Variants in ZDHHC16 observed in about 807,000 individuals in gnomAD.
The protein encoded by ZDHHC16 is palmitoyltransferase ZDHHC16.
ZDHHC16 carries 33 observed loss-of-function variants against 54.4 expected under a neutral mutation model. The ratio of observed to expected loss-of-function variants is 0.61; its 90% CI spans 0.46 to 0.81. ZDHHC16 has a LOEUF of 0.81. Ranked by LOEUF, ZDHHC16 falls within the 30% of genes least tolerant of loss-of-function variation. The pLI, the probability that ZDHHC16 is intolerant of heterozygous loss-of-function variation, is 0.00. For synonymous variants in ZDHHC16, 185 were observed against 182.1 expected (o/e 1.02, Z -0.13); for missense variants, 420 against 485.9 (o/e 0.86, Z 1.28).
chr10:97,448,749 C>G (rs72833970), intron 1 of ZDHHC16, among the ~76,000 whole-genome samples: 37,526 of 152,054 alleles, frequency 0.25, 4,892 homozygotes, highest in East Asian at 0.48. Context: ...CAGAGCGAGA[C>G]TTCATCTCAA....
intron 6 of ZDHHC16, among the ~76,000 whole-genome samples, 186 bp downstream of exon 6, chr10:97,453,109 C>T (rs955340826): frequency 6.6e-6 from 1 of 152,186 alleles, no homozygotes; most frequent in African/African-American, 2.4e-5. Context: ...AGCAGGGAAT[C>T]TTTTAACACC....
intron 11 of ZDHHC16, chr10:97,456,435 C>G (rs1231405745): frequency 6.6e-6 from 2 of 304,392 alleles, no homozygotes; most frequent in East Asian, 6.2e-5. Context: ...CTCTCTCAGC[C>G]CAAGACAAGG....
chr10:97,451,529 C>T, intron 2 of ZDHHC16, 142 bp from the exon 3 acceptor site: 1 of 1,161,990 alleles, frequency 8.6e-7, no homozygotes, highest in Non-Finnish European at 1.2e-6. Context: ...AAGTAACCTT[C>T]CTACTTCTCA....
intron 9 of ZDHHC16, among the ~76,000 whole-genome samples, chr10:97,455,365 C>T (rs941137429): frequency 1.2e-4 from 18 of 152,190 alleles, no homozygotes; most frequent in Admixed American, 1.0e-3. Context: ...TGCTATGTTG[C>T]CCAGGCTAGA....
chr10:97,452,897 G>A lies in ZDHHC16; in HGVS notation c.530G>A (p.Cys177Tyr), dbSNP rs1379651866. 2 of 1,614,218 alleles carry A rather than the reference G, an allele frequency of 1.2e-6. No homozygotes were observed. The highest frequency in any genetic ancestry group is 1.1e-5 in the South Asian group (1 of 91,080). The change falls in exon 6 of 12, where the codon TGT becomes TAT. Residue 177 changes from cysteine (C) to tyrosine (Y), a missense_variant and splice_region_variant. Physicochemically the swap from Cys to Tyr is radical, Grantham distance 194 (BLOSUM62 -2). Transcript: ENST00000393760. ...GAGCCTGTGTCCCTTCCTCACAGGT[G>A]TGTGCTGAAGATGGATCACCACTGC... Reference protein sequence around the residue: ...RTHHCSICNRCVLKMDHHCPW... With the variant: ...RTHHCSICNRYVLKMDHHCPW...
Position 97,446,203 on chromosome 10 carries a change from C to T in ZDHHC16, c.-336C>T, listed in dbSNP as rs1845997594. 6 of 668,072 alleles carry T rather than the reference C, an allele frequency of 9.0e-6. No individual in the cohort carries two copies. The highest frequency in any genetic ancestry group is 5.6e-5 in the Admixed American group (2 of 36,030). The allele number at this position is 668,072 out of a possible 1,614,324, so 41.4% of individuals were successfully genotyped here. A position where few individuals can be genotyped will look rare whatever the true frequency, so the allele number is the denominator to read the frequency against. ...GTTGAGGATGGGCTGGCGGCGGGTC[C>T]GGGTCCGCTGCCTGGCGCTGCGGGC... On this transcript the variant is annotated 5_prime_UTR_variant, in exon 1 of 12. Transcript: ENST00000393760.
In ZDHHC16 at chr10:97,456,978, C is replaced by T. The variant is rs1847334980; in HGVS notation, c.*87C>T. The T allele has an allele frequency of 1.7e-6, 2 of 1,154,552 alleles. No individual in the cohort carries two copies. The highest frequency in any genetic ancestry group is 5.3e-5 in the East Asian group (2 of 37,486). The allele number at this position is 1,154,552 out of a possible 1,614,324, so 71.5% of individuals were successfully genotyped here. A position where few individuals can be genotyped will look rare whatever the true frequency, so the allele number is the denominator to read the frequency against. ...TCCAAGGGCAGCTTTTCTCAGAATCCTTGATCAAAAAGAGCCAGTGGGCCT... is the reference window on the plus strand; with the variant it reads ...TCCAAGGGCAGCTTTTCTCAGAATCTTTGATCAAAAAGAGCCAGTGGGCCT... On this transcript the variant is annotated 3_prime_UTR_variant, in exon 12 of 12. Coordinates refer to ENST00000393760, the MANE Select transcript of ZDHHC16 (RefSeq NM_198046.3).
chr10:97,453,065 C>T (rs1846797192), intron 6 of ZDHHC16, 142 bp downstream of exon 6: 5 of 1,062,242 alleles, frequency 4.7e-6, no homozygotes, highest in Non-Finnish European at 7.2e-6. Context: ...CCTGGGAGAG[C>T]AGGAAGCTCA....
At chr10:97,456,640 GA>G in intron 11 of ZDHHC16, 136 bp from the exon 12 acceptor site, 1 of 626,568 alleles carries the variant, frequency 1.6e-6, no homozygotes, top group East Asian at 2.9e-5. Flanking sequence ...TTGGGTAGCA[GA>G]AATTAGAACT....
At position 97,456,000 on chromosome 10, in the gene ZDHHC16, C is replaced by T; in HGVS notation, c.975C>T (p.Gly325=). The T allele has an allele frequency of 6.2e-7, 1 of 1,614,174 alleles. No homozygotes were observed. Among genetic ancestry groups the T allele is most frequent in the Non-Finnish European group, 8.5e-7 (1 of 1,180,006 alleles). The change falls in exon 11 of 12, where the codon GGC becomes GGT. Residue 325 remains glycine, a synonymous_variant. Coordinates refer to ENST00000393760, the MANE Select transcript of ZDHHC16 (RefSeq NM_198046.3). ...GRVFRNPYNY[G]CLDNWKVFLG... is the part of the protein sequence containing the mutation. The stretch of plus-strand genomic sequence containing the variant: ...TATTTAGGAATCCTTACAACTACGG[C>T]TGCTTGGACAACTGGAAGGTATTCC...
rs1846589504 is a variant in ZDHHC16 at position 97,451,335 on chromosome 10, CTTTGA to C, written c.-5-331_-5-327del. 3.4e-5 allele frequency: 10 copies of C among 294,634 alleles called. No individual in the cohort carries two copies. The South Asian group carries it at 4.7e-4, about 14-fold the overall frequency. The allele number at this position is 294,634 out of a possible 1,614,324, so 18.3% of individuals were successfully genotyped here. A position where few individuals can be genotyped will look rare whatever the true frequency, so the allele number is the denominator to read the frequency against. On this transcript the variant is annotated intron_variant, in intron 2 of 11. Coordinates refer to ENST00000393760, the MANE Select transcript of ZDHHC16 (RefSeq NM_198046.3). ...TCTACACAGACAACTCCTAAGACTG[CTTTGA>C]TTTGGAGTGGCCTTTCTCACCCCTT...
chr10:97,447,304 G>A (rs1001484941), intron 1 of ZDHHC16, among the ~76,000 whole-genome samples: 1 of 152,164 alleles, frequency 6.6e-6, no homozygotes, highest in Non-Finnish European at 1.5e-5. Context: ...GATGACATTC[G>A]CCACGACTTT....
At chr10:97,450,195 A>G (rs1846494351) in intron 1 of ZDHHC16, among the ~76,000 whole-genome samples, 162 bp from the exon 2 acceptor site, 1 of 151,944 alleles carries the variant, frequency 6.6e-6, no homozygotes, top group South Asian at 2.1e-4. Context: ...TTAGCTTCCT[A>G]GGAGGTGGCA....
chr10:97,454,585 C>T (rs1846984203), intron 8 of ZDHHC16, 129 bp from the exon 9 acceptor site: 1 of 834,906 alleles, frequency 1.2e-6, no homozygotes, highest in Non-Finnish European at 2.0e-6. Flanking sequence ...GGCTGCTACC[C>T]TAACTCCTCT....
chr10:97,452,735 G>C (rs1846764614), intron 5 of ZDHHC16, 160 bp from the exon 6 acceptor site: 1 of 1,024,568 alleles, frequency 9.8e-7, no homozygotes, highest in South Asian at 1.5e-5. Flanking sequence ...ATATCTTATA[G>C]CCATTAAACT....
chr10:97,455,639 T>C, intron 9 of ZDHHC16, 21 bp from the exon 10 acceptor site: 1 of 1,614,234 alleles, frequency 6.2e-7, no homozygotes, highest in Non-Finnish European at 8.5e-7. Context: ...TACCCACCAG[T>C]CTTCGCCCCT....
chr10:97,449,957 C>T (rs1184902465), intron 1 of ZDHHC16, among the ~76,000 whole-genome samples: 5 of 144,808 alleles, frequency 3.5e-5, no homozygotes, highest in East Asian at 2.0e-4. Flanking sequence ...CTGCAAGCTC[C>T]GCTTCCCGGG....
At chr10:97,455,104 T>C (rs933834052) in intron 9 of ZDHHC16, among the ~76,000 whole-genome samples, 1 of 152,206 alleles carries the variant, frequency 6.6e-6, no homozygotes, top group African/African-American at 2.4e-5. Flanking sequence ...TGAGGAAAAC[T>C]GAAAATTGGG....
At chr10:97,448,611 G>A (rs1327115992) in intron 1 of ZDHHC16, among the ~76,000 whole-genome samples, 1 of 152,168 alleles carries the variant, frequency 6.6e-6, no homozygotes, top group Non-Finnish European at 1.5e-5. Context: ...ACAAACATTT[G>A]CTGGGCGAGG....
Sources: gnomAD v4.1 joint callset for allele counts (sites outside exome capture counted in the v4.1 genomes callset) on GRCh38, gnomAD v4.1.1 for gene constraint, MANE v1.5 for transcripts, NCBI Gene and HGNC (gene_info 2026-07-23, HGNC 2026-07-21) for gene names.